Variants in GPC6 observed in about 807,000 individuals in gnomAD.
The protein encoded by GPC6 is glypican 6, also known as glypican-6.
GPC6 carries 14 observed loss-of-function variants against 55.2 expected under a neutral mutation model. The ratio of observed to expected loss-of-function variants is 0.25; its 90% confidence interval spans 0.17 to 0.40. The LOEUF (loss-of-function observed/expected upper bound fraction) is 0.40, where lower values mean the gene tolerates loss of function less well. Among genes scored for constraint, GPC6 ranks in the 10% least tolerant of loss-of-function variants. GPC6 has a pLI of 1.00. For missense variants in GPC6, 641 were observed against 708.5 expected (o/e 0.90, Z 1.08); for synonymous variants, 278 against 259.6 (o/e 1.07, Z -0.68).
chr13:93,735,765 A>T (rs180781001), intron 2 of GPC6, among the ~76,000 whole-genome samples: 2 of 152,300 alleles, frequency 1.3e-5, no homozygotes, highest in East Asian at 3.9e-4. Context: ...CCATTGTATT[A>T]TGGACTATAT....
At chr13:93,832,678 G>A (rs1228832255) in intron 3 of GPC6, among the ~76,000 whole-genome samples, 2 of 152,050 alleles carry the variant, frequency 1.3e-5, no homozygotes, top group African/African-American at 2.4e-5. Flanking sequence ...GCCTAGAGAT[G>A]GTGTCTCCCC....
chr13:93,972,371 T>C (rs571457837), intron 3 of GPC6, among the ~76,000 whole-genome samples: 18 of 152,312 alleles, frequency 1.2e-4, no homozygotes, highest in Admixed American at 2.6e-4. Flanking sequence ...TGGGATTATT[T>C]AGTTTCTTTG....
chr13:93,404,845 T>A (rs1477191832), intron 1 of GPC6, among the ~76,000 whole-genome samples: 1 of 152,190 alleles, frequency 6.6e-6, no homozygotes. Context: ...ATAACAGTTA[T>A]GACAGTCTGG....
intron 5 of GPC6, among the ~76,000 whole-genome samples, chr13:94,295,862 G>T (rs1345985559): frequency 6.6e-6 from 1 of 151,896 alleles, no homozygotes; most frequent in African/African-American, 2.4e-5. Context: ...TAAAGGAAAA[G>T]AGCATGTTCT....
At chr13:93,364,687 A>G (rs541557485) in intron 1 of GPC6, among the ~76,000 whole-genome samples, 70 of 145,076 alleles carry the variant, frequency 4.8e-4, no homozygotes, top group Non-Finnish European at 7.2e-4. Context: ...GTGTGTGTGT[A>G]TATATATATA....
chr13:94,340,852 A>G (rs974466112), intron 6 of GPC6, among the ~76,000 whole-genome samples: 6 of 152,268 alleles, frequency 3.9e-5, no homozygotes, highest in African/African-American at 1.4e-4. Flanking sequence ...ACATTTCTGT[A>G]TAAAAGGTTT....
rs113767031 is a variant in GPC6, at chr13:93,618,953, G to A, written c.319+73532G>A. Among the ~76,000 whole-genome samples the A allele has an allele frequency of 2.1e-4, 32 of 152,190 alleles. 1 individual carries two copies. Among genetic ancestry groups the A allele is most frequent in the African/African-American group, 7.0e-4 (29 of 41,552 alleles). On this transcript the variant is annotated intron_variant, in intron 2 of 8. Coordinates refer to ENST00000377047, the MANE Select transcript of GPC6 (RefSeq NM_005708.5). The stretch of plus-strand genomic sequence containing the variant: ...AGCCTACTCCAAACCTAGGCTGTAT[G>A]GTATGGCCTATTGCTCTTAGTCTAC...
At chr13:93,523,383 A>G (rs201832476) in intron 1 of GPC6, among the ~76,000 whole-genome samples, 9 of 78,330 alleles carry the variant, frequency 1.1e-4, no homozygotes, top group Admixed American at 2.4e-4. Context: ...ATATGTATGT[A>G]TGTGTATATA....
At chr13:93,318,011 C>T (rs1771529343) in intron 1 of GPC6, among the ~76,000 whole-genome samples, 1 of 152,242 alleles carries the variant, frequency 6.6e-6, no homozygotes, top group East Asian at 1.9e-4. Flanking sequence ...ACCTTTTCTG[C>T]AATGAATTCA....
In GPC6 at chr13:94,406,038, G is replaced by T. The variant is rs930646387; in HGVS notation, c.*2821G>T. On this transcript the variant is annotated 3_prime_UTR_variant, in exon 9 of 9. Coordinates refer to ENST00000377047, the MANE Select transcript of GPC6 (RefSeq NM_005708.5). ...GAGGCTTCATTATTTTTTATGACCT[G>T]CCCCTCATTTGCTCTGATGTTCCCT... 7.2e-5 allele frequency: 11 copies of T among 151,982 alleles called. No homozygotes were observed. Among genetic ancestry groups the T allele is most frequent in the Non-Finnish European group, 1.6e-4 (11 of 67,964 alleles). 9.4% of individuals were successfully genotyped at this position (151,982 alleles called of 1,614,324 possible). A position where few individuals can be genotyped will look rare whatever the true frequency, so the allele number is the denominator to read the frequency against.
At chr13:94,004,926 G>A (rs981764174) in intron 3 of GPC6, among the ~76,000 whole-genome samples, 14 of 152,140 alleles carry the variant, frequency 9.2e-5, no homozygotes, top group African/African-American at 1.2e-4. Context: ...GCTGGGCGTG[G>A]TGGTGGATGC....
intron 1 of GPC6, among the ~76,000 whole-genome samples, chr13:93,388,866 C>G (rs778613719): frequency 6.6e-6 from 1 of 152,154 alleles, no homozygotes; most frequent in Admixed American, 6.5e-5. Flanking sequence ...AAGGGCTTGG[C>G]AAAATGCTCA....
At chr13:93,961,206 C>G (rs1879760436) in intron 3 of GPC6, among the ~76,000 whole-genome samples, 1 of 152,120 alleles carries the variant, frequency 6.6e-6, no homozygotes, top group South Asian at 2.1e-4. Context: ...TTACTTAAAT[C>G]TAAATTTTAA....
At chr13:94,024,669 C>A (rs1285876991) in intron 3 of GPC6, among the ~76,000 whole-genome samples, 1 of 152,046 alleles carries the variant, frequency 6.6e-6, no homozygotes, top group Non-Finnish European at 1.5e-5. Flanking sequence ...TAAGGCTGTT[C>A]AATTTTCTCT....
chr13:94,267,110 A>G, intron 4 of GPC6, among the ~76,000 whole-genome samples: 1 of 152,164 alleles, frequency 6.6e-6, no homozygotes, highest in East Asian at 1.9e-4. Context: ...CACCAACAAC[A>G]AAAATGGAAG....
chr13:93,978,883 T>C (rs997715915), intron 3 of GPC6, among the ~76,000 whole-genome samples: 5 of 152,202 alleles, frequency 3.3e-5, no homozygotes, highest in Non-Finnish European at 7.3e-5. Context: ...TAATATTTCA[T>C]TTCTTTATTT....
chr13:94,161,920 G>A (rs372165020), intron 4 of GPC6, among the ~76,000 whole-genome samples: 158 of 152,150 alleles, frequency 1.0e-3, no homozygotes, highest in African/African-American at 3.5e-3. Context: ...CTTACATGGC[G>A]GCAGGCAAGA....
At chr13:94,025,935 T>G (rs1284872527) in intron 3 of GPC6, among the ~76,000 whole-genome samples, 1 of 152,048 alleles carries the variant, frequency 6.6e-6, no homozygotes. Flanking sequence ...ATAAAAAAAA[T>G]TAAAGGATAT....
At chr13:93,696,590 C>T (rs1882463284) in intron 2 of GPC6, among the ~76,000 whole-genome samples, 4 of 149,116 alleles carry the variant, frequency 2.7e-5, no homozygotes, top group South Asian at 4.2e-4. Flanking sequence ...AGCAACAAAA[C>T]TTTTATACTG....
Sources: gnomAD v4.1 joint callset for allele counts (sites outside exome capture counted in the v4.1 genomes callset) on GRCh38, gnomAD v4.1.1 for gene constraint, MANE v1.5 for transcripts, NCBI Gene and HGNC (gene_info 2026-07-23, HGNC 2026-07-21) for gene names.